SHOC1: variants seen among roughly 807,000 people sequenced by gnomAD.
SHOC1 encodes the protein protein shortage in chiasmata 1 ortholog.
In SHOC1, 136 loss-of-function variants were observed where a neutral mutation model predicts 179.2. The ratio of observed to expected loss-of-function variants is 0.76; its 90% CI spans 0.66 to 0.87. The LOEUF (loss-of-function observed/expected upper bound fraction) is 0.87. Among genes scored for constraint, SHOC1 ranks in the 40% least tolerant of loss-of-function variants. SHOC1 has a pLI of 0.00. For missense variants in SHOC1, 1,538 were observed against 1,700.8 expected, an observed-to-expected ratio of 0.90 and a Z score of 1.68; for synonymous variants, 489 against 586.6, an observed-to-expected ratio of 0.83 and a Z score of 2.41.
intron 5 of SHOC1, among the ~76,000 whole-genome samples, chr9:111,769,991 T>TTC (rs1835527159): frequency 7.0e-6 from 1 of 142,928 alleles, no homozygotes; most frequent in African/African-American, 2.6e-5. Flanking sequence ...TTTTTGTTTT[T>TTC]TTTTTTTTTT....
chr9:111,775,840 G>A lies in SHOC1; in HGVS notation c.393C>T (p.Thr131=). 6.2e-7 allele frequency: 1 copy of A among 1,613,142 alleles called. No homozygotes were observed. The highest frequency in any genetic ancestry group is 8.5e-7 in the Non-Finnish European group (1 of 1,179,690). The change falls in exon 5 of 28, where the codon ACC becomes ACT. Residue 131 remains threonine, a synonymous_variant. Coordinates refer to ENST00000682961, the MANE Select transcript of SHOC1 (RefSeq NM_001378211.1). ...AACATTTTTCTAAACAACTGACAGG[G>A]GTAAAGACTTCATTGTAGTCCATGT... The part of the protein sequence containing the change: ...YTHMDYNEVF[T]PVSCLEKCSA...
chr9:111,708,555 AT>A (rs1293021567), intron 18 of SHOC1, among the ~76,000 whole-genome samples: 1 of 152,164 alleles, frequency 6.6e-6, no homozygotes, highest in African/African-American at 2.4e-5. Context: ...TGTGCAGTTA[AT>A]TTTGTTTTGC....
chr9:111,741,214 G>T (rs138216937), intron 11 of SHOC1, among the ~76,000 whole-genome samples: 125 of 151,962 alleles, frequency 8.2e-4, no homozygotes, highest in African/African-American at 2.7e-3. Context: ...ACAGTTTTAT[G>T]TACTACTTGT....
intron 16 of SHOC1, among the ~76,000 whole-genome samples, chr9:111,716,234 T>C (rs768205236): frequency 6.6e-5 from 10 of 151,974 alleles, no homozygotes; most frequent in Admixed American, 1.3e-4. Context: ...ATTTAGTAAC[T>C]GCATGTCTTA....
At chr9:111,778,548 C>T (rs1456210970) in intron 4 of SHOC1, among the ~76,000 whole-genome samples, 1 of 152,044 alleles carries the variant, frequency 6.6e-6, no homozygotes, top group Admixed American at 6.6e-5. Context: ...GTGGGTGCAT[C>T]ACCTGAGATC....
Position 111,756,123 on chromosome 9 carries a change from G to GACAACAACA in SHOC1, c.862+193_862+201dup, listed in dbSNP as rs71496710. Among the ~76,000 whole-genome samples, 43 of 151,228 alleles carry GACAACAACA rather than the reference G, an allele frequency of 2.8e-4. No individual in the cohort carries two copies. In the South Asian group the frequency reaches 4.6e-3, roughly 16 times the overall value. The stretch of plus-strand genomic sequence containing the variant: ...GGCAACAAGAGCGAAATTTTGTCTC[G>GACAACAACA]ACAACAACAACAACAACAACAACAA... On this transcript the variant is annotated intron_variant, in intron 8 of 27. Coordinates refer to ENST00000682961, the MANE Select transcript of SHOC1 (RefSeq NM_001378211.1).
chr9:111,772,730 C>T (rs1437514603), intron 5 of SHOC1, among the ~76,000 whole-genome samples: 1 of 152,152 alleles, frequency 6.6e-6, no homozygotes, highest in African/African-American at 2.4e-5. Context: ...GCTAGAGGTT[C>T]GTGCCCAAGG....
intron 24 of SHOC1, among the ~76,000 whole-genome samples, chr9:111,699,165 G>A (rs1161652864): frequency 2.0e-5 from 3 of 152,088 alleles, no homozygotes; most frequent in Non-Finnish European, 4.4e-5. Flanking sequence ...AAATCCAAGT[G>A]TGAGGTGGTG....
chr9:111,782,693 T>G (rs1300076663), intron 3 of SHOC1, among the ~76,000 whole-genome samples: 1 of 152,088 alleles, frequency 6.6e-6, no homozygotes, highest in Non-Finnish European at 1.5e-5. Context: ...AAAACTGGCT[T>G]TCTTGACCAC....
chr9:111,715,922 A>G (rs1832763815), intron 16 of SHOC1, among the ~76,000 whole-genome samples: 1 of 152,036 alleles, frequency 6.6e-6, no homozygotes, highest in African/African-American at 2.4e-5. Context: ...AAAACTCACT[A>G]CCTTGCCAGC....
chr9:111,749,406 A>C (rs908212495), intron 8 of SHOC1, among the ~76,000 whole-genome samples: 1 of 152,150 alleles, frequency 6.6e-6, no homozygotes, highest in South Asian at 2.1e-4. Flanking sequence ...ATCTTATTTT[A>C]TGCTTCCAAT....
intron 24 of SHOC1, among the ~76,000 whole-genome samples, chr9:111,698,410 T>C (rs1347821371): frequency 6.6e-6 from 1 of 152,234 alleles, no homozygotes; most frequent in Non-Finnish European, 1.5e-5. Flanking sequence ...TTTTTACCTA[T>C]GGCTAGCCAG....
intron 5 of SHOC1, among the ~76,000 whole-genome samples, chr9:111,769,238 C>G (rs964580495): frequency 5.3e-5 from 8 of 151,884 alleles, no homozygotes; most frequent in African/African-American, 1.9e-4. Flanking sequence ...GTGTCCTTGT[C>G]TGGTTTTGGT....
At chr9:111,780,817 A>G in intron 4 of SHOC1, 113 bp downstream of exon 4, 1 of 674,468 alleles carries the variant, frequency 1.5e-6, no homozygotes, top group East Asian at 2.9e-5. Flanking sequence ...AGATAAAAGA[A>G]GAAAATCCAT....
Position 111,691,614 on chromosome 9 carries a change from T to G in SHOC1, c.4363A>C (p.Ser1455Arg), listed in dbSNP as rs763521207. The G allele has an allele frequency of 3.7e-6, 6 of 1,613,886 alleles. No homozygotes were observed. The highest frequency in any genetic ancestry group is 5.1e-6 in the Non-Finnish European group (6 of 1,179,874). ...TCATGGTGCCTTTTCTGTCCTAAAC[T>G]TTTTCCAGCTCTTTGGTAGAAATAA... ...SLYFYQRAGK[S>R]LGQKRHHESS... is the part of the protein sequence containing the mutation. Residue 1455 changes from serine to arginine, a missense_variant, in exon 27 of 28, where the codon AGT becomes CGT. Physicochemically the swap from Ser to Arg is moderately radical, Grantham distance 110. Transcript: ENST00000682961.
intron 10 of SHOC1, among the ~76,000 whole-genome samples, chr9:111,744,804 A>T (rs1189847185): frequency 6.6e-6 from 1 of 152,248 alleles, no homozygotes; most frequent in Non-Finnish European, 1.5e-5. Flanking sequence ...GCTTTATTCC[A>T]GGATAGCAGA....
chr9:111,709,678 C>A (rs1832447263), intron 18 of SHOC1, among the ~76,000 whole-genome samples: 1 of 152,096 alleles, frequency 6.6e-6, no homozygotes, highest in Non-Finnish European at 1.5e-5. Context: ...AGCATGAAAC[C>A]CAGATATGCG....
chr9:111,746,404 G>GCCACCACGCC, intron 9 of SHOC1, 62 bp from the exon 10 acceptor site: 1 of 1,054,564 alleles, frequency 9.5e-7, no homozygotes, highest in Non-Finnish European at 1.4e-6. Context: ...GCTAGGCGTG[G>GCCACCACGCC]TGGCTCACAC....
chr9:111,784,363 C>T (rs2131640851), intron 3 of SHOC1, among the ~76,000 whole-genome samples: 1 of 152,282 alleles, frequency 6.6e-6, no homozygotes, highest in East Asian at 1.9e-4. Flanking sequence ...TTGTGACCCC[C>T]TCACTGTTGA....
Sources: allele counts gnomAD v4.1 joint callset (sites outside exome capture counted in the v4.1 genomes callset), GRCh38; gene constraint gnomAD v4.1.1; transcripts MANE v1.5; gene names NCBI Gene and HGNC (gene_info 2026-07-23, HGNC 2026-07-21).